MGAT5: variants seen among roughly 807,000 people sequenced by gnomAD.
MGAT5 encodes the protein alpha-1,6-mannosylglycoprotein 6-beta-N-acetylglucosaminyltransferase A.
Under a neutral mutation model 94.3 loss-of-function variants are expected in MGAT5, and 30 were observed. The ratio of observed to expected loss-of-function variants is 0.32; its 90% confidence interval spans 0.24 to 0.43. The LOEUF (loss-of-function observed/expected upper bound fraction) is 0.43. Among genes scored for constraint, MGAT5 ranks in the 20% least tolerant of loss-of-function variants. The pLI is 1.00. For synonymous variants in MGAT5, 310 were observed against 322.9 expected (o/e 0.96, Z 0.43); for missense variants, 691 against 905.5 (o/e 0.76, Z 3.04).
chr2:134,151,577 C>G (rs1289419500), intron 1 of MGAT5, among the ~76,000 whole-genome samples: 4 of 141,802 alleles, frequency 2.8e-5, no homozygotes, highest in African/African-American at 1.1e-4. Context: ...GCCATGGGAC[C>G]TCACTCACGC....
chr2:134,423,494 T>C (rs1684412736), intron 13 of MGAT5, among the ~76,000 whole-genome samples: 2 of 152,146 alleles, frequency 1.3e-5, no homozygotes, highest in South Asian at 4.1e-4. Context: ...GGAGGCTGGC[T>C]TCCCACCTAT....
At chr2:134,283,458 C>G (rs559002812) in intron 2 of MGAT5, among the ~76,000 whole-genome samples, 2 of 152,056 alleles carry the variant, frequency 1.3e-5, no homozygotes, top group East Asian at 3.9e-4. Flanking sequence ...AAATGGGGAG[C>G]AGGTTCTAGT....
intron 1 of MGAT5, among the ~76,000 whole-genome samples, chr2:134,167,194 G>A (rs544090775): frequency 8.5e-5 from 13 of 152,176 alleles, no homozygotes; most frequent in Non-Finnish European, 1.3e-4. Context: ...CATTAGGGGC[G>A]GGAGGGAAGG....
intron 1 of MGAT5, among the ~76,000 whole-genome samples, chr2:134,142,368 C>G (rs1686697684): frequency 6.6e-6 from 1 of 152,216 alleles, no homozygotes; most frequent in African/African-American, 2.4e-5. Context: ...CCAGAAAGGC[C>G]CGGCCCCGCC....
At chr2:134,298,012 C>T (rs912404949) in intron 2 of MGAT5, among the ~76,000 whole-genome samples, 9 of 151,358 alleles carry the variant, frequency 5.9e-5, no homozygotes, top group African/African-American at 1.2e-4. Flanking sequence ...GTTCTAAAAC[C>T]AGTTATTTTC....
At chr2:134,402,473 A>T (rs1248744864) in intron 10 of MGAT5, among the ~76,000 whole-genome samples, 1 of 152,226 alleles carries the variant, frequency 6.6e-6, no homozygotes, top group Non-Finnish European at 1.5e-5. Context: ...AGTTCTGACA[A>T]CATGAGTTAA....
At chr2:134,412,592 C>T (rs977400000) in intron 11 of MGAT5, among the ~76,000 whole-genome samples, 4 of 151,978 alleles carry the variant, frequency 2.6e-5, no homozygotes, top group Non-Finnish European at 4.4e-5. Context: ...CTCCCTACCC[C>T]GTGGATACCC....
At chr2:134,367,336 G>T (rs956912181) in intron 10 of MGAT5, among the ~76,000 whole-genome samples, 2 of 152,334 alleles carry the variant, frequency 1.3e-5, no homozygotes, top group African/African-American at 4.8e-5. Flanking sequence ...ATATAAGCCT[G>T]TCCAAAGATA....
intron 10 of MGAT5, among the ~76,000 whole-genome samples, chr2:134,387,283 A>C (rs1475514503): frequency 7.5e-6 from 1 of 132,614 alleles, no homozygotes. Context: ...TAAAAATAAA[A>C]AATAAAAAGT....
At chr2:134,412,808 C>G in intron 11 of MGAT5, 61 bp from the exon 12 acceptor site, 1 of 1,587,592 alleles carries the variant, frequency 6.3e-7, no homozygotes. Context: ...CTAGGAATGC[C>G]CGTCCTGCCT....
chr2:134,234,482 A>T (rs1329608121), intron 1 of MGAT5, among the ~76,000 whole-genome samples: 3 of 152,270 alleles, frequency 2.0e-5, no homozygotes, highest in African/African-American at 7.2e-5. Flanking sequence ...GGGTCCATAC[A>T]TAAGACACAG....
At chr2:134,213,399 C>T in intron 1 of MGAT5, among the ~76,000 whole-genome samples, 1 of 140,512 alleles carries the variant, frequency 7.1e-6, no homozygotes, top group East Asian at 2.3e-4. Context: ...TTCTGTTTCT[C>T]AAAATACTTG....
In MGAT5 at chr2:134,204,728, A is replaced by G. The variant is rs140989053; in HGVS notation, c.-142-49534A>G. On this transcript the variant is annotated intron_variant, in intron 1 of 16. Coordinates refer to the MGAT5 transcript ENST00000409645. ...TAAGAGGACTTGATATTGCTCTTCA[A>G]TTGTAAAACCATTCAGTCAGCTTGT... is the stretch of plus-strand genomic sequence containing the variant. 3.3e-3 allele frequency among the ~76,000 whole-genome samples: 507 copies of G among 152,280 alleles called. 3 individuals carry two copies. The highest frequency in any genetic ancestry group is 0.01 in the African/African-American group (430 of 41,560).
intron 1 of MGAT5, among the ~76,000 whole-genome samples, chr2:134,231,506 G>A (rs1681362902): frequency 6.6e-6 from 1 of 152,204 alleles, no homozygotes; most frequent in African/African-American, 2.4e-5. Flanking sequence ...AAATTCCTAT[G>A]TCAAGATCTT....
At chr2:134,298,127 ACT>A (rs1053810030) in intron 2 of MGAT5, among the ~76,000 whole-genome samples, 3 of 152,144 alleles carry the variant, frequency 2.0e-5, no homozygotes, top group Admixed American at 2.0e-4. Flanking sequence ...ACAGGATCTC[ACT>A]CTGTCTCCCA....
intron 4 of MGAT5, among the ~76,000 whole-genome samples, chr2:134,323,416 T>A (rs1687444771): frequency 6.6e-6 from 1 of 152,086 alleles, no homozygotes; most frequent in African/African-American, 2.4e-5. Flanking sequence ...GATTTTAATA[T>A]CCACAGGGGT....
In MGAT5 at chr2:134,362,270, A is replaced by G. The variant is rs771935109; in HGVS notation, c.1247-5A>G. The G allele has an allele frequency of 1.9e-6, 3 of 1,613,096 alleles. No individual in the cohort carries two copies. Among genetic ancestry groups the G allele is most frequent in the Non-Finnish European group, 2.5e-6 (3 of 1,179,456 alleles). ...AACTGTCCTCTCCATTTCTTTGCAC[A>G]CCAGCTCATACCCCAGACAACAGCT... On this transcript the variant is annotated splice_region_variant and splice_polypyrimidine_tract_variant and intron_variant, in intron 9 of 15. Coordinates refer to ENST00000281923, the MANE Select transcript of MGAT5 (RefSeq NM_002410.5).
chr2:134,392,992 G>T (rs1682504493), intron 10 of MGAT5, among the ~76,000 whole-genome samples: 1 of 149,262 alleles, frequency 6.7e-6, no homozygotes, highest in Non-Finnish European at 1.5e-5. Flanking sequence ...CTAAGTGCTG[G>T]GTAGAGCTCT....
intron 4 of MGAT5, among the ~76,000 whole-genome samples, chr2:134,322,648 T>G (rs1687402517): frequency 6.6e-6 from 1 of 152,190 alleles, no homozygotes; most frequent in Admixed American, 6.5e-5. Flanking sequence ...TTTTTAGTAT[T>G]TTTAAAATCC....
Sources: allele counts gnomAD v4.1 joint callset (sites outside exome capture counted in the v4.1 genomes callset), GRCh38; gene constraint gnomAD v4.1.1; transcripts MANE v1.5; gene names NCBI Gene and HGNC (gene_info 2026-07-23, HGNC 2026-07-21).